Variants in LCP2 observed in about 807,000 individuals in gnomAD.
LCP2 encodes 76 kDa tyrosine phosphoprotein.
In LCP2, 29 loss-of-function variants were observed where a neutral mutation model predicts 74.5. The observed-to-expected ratio is 0.39, with a 90% confidence interval of 0.29 to 0.53. The LOEUF is 0.53. LCP2 is among the 20% of genes least tolerant of loss of function. The probability of loss-of-function intolerance (pLI) is 0.72; values close to 1 mark genes in which losing one functional copy is unlikely to be tolerated. For synonymous variants in LCP2, 228 were observed against 229.5 expected, an observed-to-expected ratio of 0.99 and a Z score of 0.06; for missense variants, 604 against 634.6, an observed-to-expected ratio of 0.95 and a Z score of 0.52.
At position 170,248,932 on chromosome 5, in the gene LCP2, TG is replaced by T. The variant is rs966215209; in HGVS notation, c.1480-114del. 2.1e-5 allele frequency: 22 copies of T among 1,072,018 alleles called. 1 individual carries two copies. The African/African-American group carries it at 2.4e-4, about 12-fold the overall frequency. 66.4% of individuals were successfully genotyped at this position (1,072,018 alleles called of 1,614,324 possible). A position where few individuals can be genotyped will look rare whatever the true frequency, so the allele number is the denominator to read the frequency against. On this transcript the variant is annotated intron_variant, in intron 20 of 20. Transcript: ENST00000046794. The stretch of plus-strand genomic sequence containing the variant: ...CTGCCTCTTCAAGTGATGAGGATTG[TG>T]GGGGGAAAAAATGTAAATGTGGCAA...
Position 170,258,865 on chromosome 5 carries a change from C to A in LCP2, c.970+1G>T. 1 of 1,583,350 alleles carries A rather than the reference C, an allele frequency of 6.3e-7. No individual in the cohort carries two copies. The highest frequency in any genetic ancestry group is 1.1e-5 in the South Asian group (1 of 87,382). ...CTGTAAGAATGTGTTTCCGAACATA[C>A]CATCATCTTCATCCTGGGAAGGGGA... On this transcript the variant is annotated splice_donor_variant, in intron 15 of 20. Coordinates refer to ENST00000046794, the MANE Select transcript of LCP2 (RefSeq NM_005565.5). LOFTEE classifies it high-confidence loss of function.
chr5:170,288,386 C>A (rs774398651), intron 2 of LCP2, among the ~76,000 whole-genome samples: 17 of 152,206 alleles, frequency 1.1e-4, no homozygotes, highest in Non-Finnish European at 1.8e-4. Flanking sequence ...CTTCCCTACA[C>A]CCCAGACCTC....
At chr5:170,257,367 G>A (rs1761572402) in intron 16 of LCP2, among the ~76,000 whole-genome samples, 1 of 152,146 alleles carries the variant, frequency 6.6e-6, no homozygotes, top group African/African-American at 2.4e-5. Flanking sequence ...GCTAGGAGTT[G>A]GTGGGGGTAG....
chr5:170,278,539 T>C (rs974470040), intron 3 of LCP2, among the ~76,000 whole-genome samples: 1 of 145,046 alleles, frequency 6.9e-6, no homozygotes, highest in East Asian at 2.1e-4. Flanking sequence ...AGGGGTGGGA[T>C]GCGGTTGCCA....
At position 170,270,689 on chromosome 5, in the gene LCP2, G is replaced by C. The variant is rs765096418; in HGVS notation, c.523+30C>G. On this transcript the variant is annotated intron_variant, in intron 7 of 20. Coordinates refer to ENST00000046794, the MANE Select transcript of LCP2 (RefSeq NM_005565.5). ...TGGCGAGCTTGCCTTTGGGCTGCTC[G>C]GGCCAGAAAATCCGGAAACGGGCCC... 3.3e-6 allele frequency: 5 copies of C among 1,531,714 alleles called. No homozygotes were observed. The African/African-American group carries it at 4.2e-5, about 13-fold the overall frequency. 94.9% of individuals were successfully genotyped at this position (1,531,714 alleles called of 1,614,324 possible).
At chr5:170,249,694 T>C (rs1208221618) in intron 20 of LCP2, among the ~76,000 whole-genome samples, 1 of 152,118 alleles carries the variant, frequency 6.6e-6, no homozygotes, top group Non-Finnish European at 1.5e-5. Flanking sequence ...CAGCAACCAA[T>C]ATTTGCAGCC....
intron 17 of LCP2, among the ~76,000 whole-genome samples, chr5:170,254,050 C>A (rs925409829): frequency 5.9e-5 from 9 of 152,124 alleles, no homozygotes; most frequent in Admixed American, 6.6e-5. Flanking sequence ...TTCATTCATA[C>A]CTTCAACAAA....
intron 13 of LCP2, among the ~76,000 whole-genome samples, chr5:170,261,746 C>T (rs1009717652): frequency 6.6e-6 from 1 of 152,080 alleles, no homozygotes; most frequent in Non-Finnish European, 1.5e-5. Context: ...CTTAGGGCTG[C>T]GACAGGCATC....
At chr5:170,265,110 C>G (rs1761727847) in intron 10 of LCP2, among the ~76,000 whole-genome samples, 1 of 151,088 alleles carries the variant, frequency 6.6e-6, no homozygotes, top group Non-Finnish European at 1.5e-5. Context: ...GCCTCAGCCT[C>G]TTGAGTAGCT....
chr5:170,284,680 A>G (rs1762153964), intron 3 of LCP2, among the ~76,000 whole-genome samples: 1 of 151,566 alleles, frequency 6.6e-6, no homozygotes, highest in Admixed American at 6.6e-5. Context: ...GCTCACATAC[A>G]CATTCTTTCC....
chr5:170,258,506 G>T, intron 15 of LCP2: 1 of 347,392 alleles, frequency 2.9e-6, no homozygotes, highest in African/African-American at 2.1e-5. Context: ...TTTGTTTTAT[G>T]AAAGTCAAAA....
chr5:170,281,485 T>C (rs940795614), intron 3 of LCP2, among the ~76,000 whole-genome samples: 1 of 152,214 alleles, frequency 6.6e-6, no homozygotes, highest in African/African-American at 2.4e-5. Flanking sequence ...TTTCACTGTG[T>C]TAGCCAGGAT....
intron 8 of LCP2, among the ~76,000 whole-genome samples, chr5:170,268,018 C>T (rs1246072387): frequency 6.6e-6 from 1 of 152,046 alleles, no homozygotes; most frequent in Non-Finnish European, 1.5e-5. Context: ...TCTGAAGGCT[C>T]CTGTCCTTGG....
intron 10 of LCP2, among the ~76,000 whole-genome samples, chr5:170,264,221 C>T (rs1761709144): frequency 6.6e-6 from 1 of 152,248 alleles, no homozygotes; most frequent in African/African-American, 2.4e-5. Flanking sequence ...TTTTGTTCTT[C>T]AGACATACTG....
chr5:170,288,119 CTG>C (rs1189055426), intron 2 of LCP2, 103 bp from the exon 3 acceptor site: 2 of 1,217,470 alleles, frequency 1.6e-6, no homozygotes, highest in African/African-American at 3.0e-5. Flanking sequence ...GTGGTGGGGA[CTG>C]TGGCAAACAG....
Position 170,258,166 on chromosome 5 carries a change from A to G in LCP2, c.971T>C (p.Val324Ala). Residue 324 changes from valine (V) to alanine (A), a missense_variant and splice_region_variant, in exon 16 of 21, where the codon GTG (valine) becomes GCG (alanine). Val to Ala is a moderately conservative substitution (Grantham distance 64, BLOSUM62 0). Coordinates refer to ENST00000046794, the MANE Select transcript of LCP2 (RefSeq NM_005565.5). ...PDRRENDEDD[V>A]HQRPLPQPAL... ...TGGCTGGGGCAAAGGTCTCTGATGC[A>G]CTGTGCAGAAGTAGAAAACAATGAA... The G allele has an allele frequency of 6.2e-7, 1 of 1,613,892 alleles. No homozygotes were observed.
At chr5:170,267,174 A>T in intron 8 of LCP2, 99 bp from the exon 9 acceptor site, 1 of 1,180,670 alleles carries the variant, frequency 8.5e-7, no homozygotes, top group South Asian at 1.2e-5. Context: ...CCTCATCTTC[A>T]TGTTCTGCCT....
chr5:170,275,958 A>C, intron 3 of LCP2, 98 bp from the exon 4 acceptor site: 1 of 1,017,082 alleles, frequency 9.8e-7, no homozygotes, highest in Non-Finnish European at 1.5e-6. Flanking sequence ...AACTTGGGGC[A>C]CCAGGGCCAA....
intron 3 of LCP2, 27 bp from the exon 4 acceptor site, chr5:170,275,887 G>C (rs765677989): frequency 1.9e-6 from 3 of 1,538,826 alleles, no homozygotes; most frequent in Non-Finnish European, 2.6e-6. Flanking sequence ...CAGATGAAGA[G>C]ATAAAACCAT....
Sources: allele counts gnomAD v4.1 joint callset (sites outside exome capture counted in the v4.1 genomes callset), GRCh38; gene constraint gnomAD v4.1.1; transcripts MANE v1.5; gene names NCBI Gene and HGNC (gene_info 2026-07-23, HGNC 2026-07-21).